The following IQUB variants were observed in gnomAD, a reference collection of about 807,000 sequenced individuals.
IQUB encodes IQ motif and ubiquitin domain containing, also known as IQ motif and ubiquitin-like domain-containing protein.
In IQUB, 86 loss-of-function variants were observed where a neutral mutation model predicts 86.4. The observed-to-expected ratio is 1.00, with a 90% CI of 0.84 to 1.19. The LOEUF (loss-of-function observed/expected upper bound fraction) is 1.19. IQUB is among the 50% of genes most tolerant of loss of function. IQUB has a pLI of 0.00. For missense variants in IQUB, 946 were observed against 916.9 expected (o/e 1.03, Z -0.41); for synonymous variants, 289 against 304.5 (o/e 0.95, Z 0.53).
Position 123,452,871 on chromosome 7 carries a change from T to C in IQUB, c.2248A>G (p.Asn750Asp), listed in dbSNP as rs113279569. The change falls in exon 13 of 13, where the codon AAC becomes GAC. Residue 750 changes from asparagine (N) to aspartate (D), a missense_variant. Asn to Asp is a conservative substitution (Grantham distance 23). Transcript: ENST00000324698. ...AGCACTGGAACCTGAGAAAAATAGT[T>C]CTTAGCCAGGATATGTTTGTGTTTG... ...KIKHKHILAK[N>D]YFSQVPVLAS... 12 of 1,613,630 alleles carry C rather than the reference T, an allele frequency of 7.4e-6. No individual in the cohort carries two copies. Among genetic ancestry groups the C allele is most frequent in the Non-Finnish European group, 1.0e-5 (12 of 1,179,716 alleles).
intron 7 of IQUB, among the ~76,000 whole-genome samples, chr7:123,480,389 C>A (rs1794953104): frequency 6.6e-6 from 1 of 152,118 alleles, no homozygotes; most frequent in Non-Finnish European, 1.5e-5. Flanking sequence ...AAGCTGAGGT[C>A]ACACTCTGCC....
intron 1 of IQUB, among the ~76,000 whole-genome samples, chr7:123,533,768 C>T (rs1797645167): frequency 6.6e-6 from 1 of 152,152 alleles, no homozygotes; most frequent in African/African-American, 2.4e-5. Context: ...GGAAGGTGGC[C>T]TGGAGATGGG....
intron 7 of IQUB, among the ~76,000 whole-genome samples, chr7:123,481,499 A>T (rs887450228): frequency 1.3e-5 from 2 of 152,106 alleles, no homozygotes; most frequent in Admixed American, 6.6e-5. Context: ...CAGTACTAAA[A>T]ATCTGAAAGG....
At chr7:123,475,833 G>A (rs1794725681) in intron 8 of IQUB, among the ~76,000 whole-genome samples, 1 of 152,108 alleles carries the variant, frequency 6.6e-6, no homozygotes, top group African/African-American at 2.4e-5. Context: ...AAGTATCCCA[G>A]TGATGAAGCA....
At chr7:123,454,956 T>C (rs1179877750) in intron 12 of IQUB, among the ~76,000 whole-genome samples, 1 of 152,146 alleles carries the variant, frequency 6.6e-6, no homozygotes, top group Non-Finnish European at 1.5e-5. Context: ...ATATAGTCTT[T>C]GGAAAGGAGT....
chr7:123,496,155 C>G (rs1350411812), intron 7 of IQUB, among the ~76,000 whole-genome samples: 1 of 151,994 alleles, frequency 6.6e-6, no homozygotes, highest in African/African-American at 2.4e-5. Flanking sequence ...CTGGCTTGTT[C>G]AAATAACTGA....
chr7:123,518,745 C>A (rs907912180), intron 1 of IQUB, among the ~76,000 whole-genome samples: 1 of 152,144 alleles, frequency 6.6e-6, no homozygotes, highest in South Asian at 2.1e-4. Context: ...AGGCGCCCAC[C>A]ACCACGCCTG....
chr7:123,521,572 G>A (rs1294705515), intron 1 of IQUB, among the ~76,000 whole-genome samples: 1 of 151,930 alleles, frequency 6.6e-6, no homozygotes, highest in Non-Finnish European at 1.5e-5. Context: ...GCTTCAGCCA[G>A]GGCGGTGGAG....
intron 2 of IQUB, among the ~76,000 whole-genome samples, chr7:123,511,290 GCAGT>G (rs1796403086): frequency 6.6e-6 from 1 of 152,142 alleles, no homozygotes; most frequent in African/African-American, 2.4e-5. Flanking sequence ...CGGAAAAGGA[GCAGT>G]CAGTTAACCA....
chr7:123,463,758 A>T (rs1794112644), intron 10 of IQUB, among the ~76,000 whole-genome samples: 2 of 151,754 alleles, frequency 1.3e-5, no homozygotes, highest in African/African-American at 4.8e-5. Flanking sequence ...AAAAAGAGTA[A>T]ATTTTACCAA....
intron 7 of IQUB, among the ~76,000 whole-genome samples, chr7:123,483,378 A>C (rs958843283): frequency 6.6e-6 from 1 of 152,138 alleles, no homozygotes; most frequent in African/African-American, 2.4e-5. Flanking sequence ...GATTATTATT[A>C]GATTATGAGA....
rs1017553475 is a variant in IQUB at position 123,507,729 on chromosome 7, C to T, written c.532+2172G>A. Among the ~76,000 whole-genome samples the T allele has an allele frequency of 7.2e-5, 11 of 151,892 alleles. No individual in the cohort carries two copies. The East Asian group carries it at 1.9e-3, about 27-fold the overall frequency. ...CTCTACTAAAAATGTAAAAATTAGC[C>T]GGGTGTGGTGGCACATCCCTGTAGT... On this transcript the variant is annotated intron_variant, in intron 3 of 12. Transcript: ENST00000324698.
chr7:123,483,661 T>G (rs1222188652), intron 7 of IQUB, among the ~76,000 whole-genome samples: 1 of 152,090 alleles, frequency 6.6e-6, no homozygotes, highest in African/African-American at 2.4e-5. Flanking sequence ...GGACATACTA[T>G]AAAATCCTTC....
At chr7:123,454,844 C>T (rs1337266224) in intron 12 of IQUB, among the ~76,000 whole-genome samples, 1 of 151,922 alleles carries the variant, frequency 6.6e-6, no homozygotes, top group African/African-American at 2.4e-5. Flanking sequence ...CAAGGGTACA[C>T]ACCATCAGCA....
At chr7:123,521,811 G>C (rs1341409252) in intron 1 of IQUB, among the ~76,000 whole-genome samples, 1 of 151,966 alleles carries the variant, frequency 6.6e-6, no homozygotes, top group African/African-American at 2.4e-5. Flanking sequence ...TTATAAAAAG[G>C]GTGATTAGCA....
chr7:123,461,604 A>G lies in IQUB; in HGVS notation c.1760T>C (p.Val587Ala). 1 of 1,581,378 alleles carries G rather than the reference A, an allele frequency of 6.3e-7. No homozygotes were observed. Among genetic ancestry groups the G allele is most frequent in the Non-Finnish European group, 8.6e-7 (1 of 1,165,726 alleles). ...ATAAAATTTCAATGGGTCTTGAGGG[A>G]CCTAAATAAATAGTAAAAAAAGAAA... ...FNPEVAKYLKVPQDPLKFYKK... is the reference protein window; with the variant it reads ...FNPEVAKYLKAPQDPLKFYKK... Residue 587 changes from valine (V) to alanine (A), a missense_variant and splice_region_variant, in exon 11 of 13, where the codon GTC (valine) becomes GCC (alanine). By Grantham distance (64) the Val-to-Ala change is moderately conservative. Transcript: ENST00000324698.
chr7:123,482,845 C>T (rs1344302277), intron 7 of IQUB, among the ~76,000 whole-genome samples: 1 of 152,026 alleles, frequency 6.6e-6, no homozygotes, highest in Non-Finnish European at 1.5e-5. Flanking sequence ...ACTCTCATAC[C>T]TTGGAATATA....
intron 1 of IQUB, among the ~76,000 whole-genome samples, chr7:123,518,494 C>A (rs1247005717): frequency 2.0e-5 from 3 of 152,170 alleles, no homozygotes; most frequent in African/African-American, 4.8e-5. Context: ...CTAGCCCCTG[C>A]CTCTCTGACC....
intron 7 of IQUB, among the ~76,000 whole-genome samples, chr7:123,488,111 C>T (rs1390858358): frequency 6.6e-6 from 1 of 151,468 alleles, no homozygotes; most frequent in East Asian, 2.0e-4. Flanking sequence ...TTTGGGAGGC[C>T]GAGGCGGGCG....
Sources: gnomAD v4.1 joint callset for allele counts (sites outside exome capture counted in the v4.1 genomes callset) on GRCh38, gnomAD v4.1.1 for gene constraint, MANE v1.5 for transcripts, NCBI Gene and HGNC (gene_info 2026-07-23, HGNC 2026-07-21) for gene names.